FAM161A: variants seen among roughly 807,000 people sequenced by gnomAD.
FAM161A encodes protein FAM161A.
FAM161A carries 57 observed loss-of-function variants against 70.9 expected under a neutral mutation model. The ratio of observed to expected loss-of-function variants is 0.80; its 90% CI spans 0.65 to 1.00. FAM161A has a LOEUF of 1.00. Ranked by LOEUF, FAM161A falls within the 50% of genes least tolerant of loss-of-function variation. FAM161A has a pLI of 0.00. For missense variants in FAM161A, 880 were observed against 836.0 expected (o/e 1.05, Z -0.65); for synonymous variants, 299 against 295.7 (o/e 1.01, Z -0.12).
At chr2:61,815,458 T>A in the FAM161A span, among the ~76,000 whole-genome samples, 2 of 147,536 alleles carry the variant, frequency 1.4e-5, no homozygotes, top group Admixed American at 1.4e-4. Flanking sequence ...GTACAAAGGG[T>A]CAGAAGCCTC....
chr2:61,823,286 T>C (rs1305810931), downstream of FAM161A, among the ~76,000 whole-genome samples: 2 of 147,602 alleles, frequency 1.4e-5, no homozygotes, highest in African/African-American at 5.0e-5. Flanking sequence ...TGAGCCAAGA[T>C]CGCACCACTG....
chr2:61,839,141 C>G (rs1672897507), intron 3 of FAM161A, among the ~76,000 whole-genome samples: 1 of 151,934 alleles, frequency 6.6e-6, no homozygotes, highest in Non-Finnish European at 1.5e-5. Flanking sequence ...CCTCGACCTC[C>G]CAAAGCACTG....
chr2:61,815,715 T>C, the FAM161A span, among the ~76,000 whole-genome samples: 2 of 151,842 alleles, frequency 1.3e-5, no homozygotes, highest in Admixed American at 1.3e-4. Context: ...CATGCCCAGA[T>C]AGTTTTTGTA....
chr2:61,802,212 C>T, the FAM161A span, among the ~76,000 whole-genome samples: 4 of 152,026 alleles, frequency 2.6e-5, no homozygotes, highest in African/African-American at 9.7e-5. Flanking sequence ...AGTTGGTGAC[C>T]GCAGGGGACA....
chr2:61,806,341 T>C, the FAM161A span, among the ~76,000 whole-genome samples: 1 of 152,192 alleles, frequency 6.6e-6, no homozygotes, highest in South Asian at 2.1e-4. Flanking sequence ...CTCACATTAT[T>C]TTTTAGTCCC....
At chr2:61,843,369 T>G (rs887840337) in intron 1 of FAM161A, among the ~76,000 whole-genome samples, 1 of 152,134 alleles carries the variant, frequency 6.6e-6, no homozygotes, top group East Asian at 1.9e-4. Flanking sequence ...TCAGGTGATC[T>G]ACTCGCCTCG....
At chr2:61,807,633 ATTTTTT>A in the FAM161A span, among the ~76,000 whole-genome samples, 62 of 113,316 alleles carry the variant, frequency 5.5e-4, no homozygotes, top group African/African-American at 2.2e-3. Context: ...TGGACTCCAG[ATTTTTT>A]TTTTTTTTTT....
chr2:61,803,389 C>G, the FAM161A span: 2 of 697,522 alleles, frequency 2.9e-6, no homozygotes, highest in Non-Finnish European at 5.4e-6. Flanking sequence ...CTCAAGAAAG[C>G]AACAAAAGGA....
At chr2:61,850,799 C>T (rs1344745903) in intron 1 of FAM161A, among the ~76,000 whole-genome samples, 1 of 152,088 alleles carries the variant, frequency 6.6e-6, no homozygotes, top group Non-Finnish European at 1.5e-5. Flanking sequence ...ACAATAGGTT[C>T]TCTCCTATTT....
At chr2:61,818,797 G>A in the FAM161A span, among the ~76,000 whole-genome samples, 366 of 152,258 alleles carry the variant, frequency 2.4e-3, 1 homozygote, top group Non-Finnish European at 4.3e-3. Context: ...TACTAAAACT[G>A]TTAGGTAAAA....
At chr2:61,803,937 G>T in the FAM161A span, among the ~76,000 whole-genome samples, 1 of 152,180 alleles carries the variant, frequency 6.6e-6, no homozygotes, top group African/African-American at 2.4e-5. Context: ...GCCCAAGAAA[G>T]AATTCAGGGC....
At chr2:61,805,193 C>T in the FAM161A span, among the ~76,000 whole-genome samples, 1 of 152,174 alleles carries the variant, frequency 6.6e-6, no homozygotes, top group African/African-American at 2.4e-5. Flanking sequence ...AGATGTCCCG[C>T]CTTTTTAGGT....
chr2:61,839,605 T>G lies in FAM161A; in HGVS notation c.1399A>C (p.Ile467Leu). The G allele has an allele frequency of 1.2e-6, 2 of 1,614,222 alleles. No homozygotes were observed. The highest frequency in any genetic ancestry group is 2.2e-5 in the East Asian group (1 of 44,890). The change falls in exon 3 of 7, where the codon ATT (isoleucine) becomes CTT (leucine). Residue 467 changes from isoleucine (I) to leucine (L), a missense_variant. Coordinates refer to ENST00000404929, the MANE Select transcript of FAM161A (RefSeq NM_001201543.2). Reference sequence around the variant, plus strand: ...TCTGCCAAAATTTTTTCTCTTTTAATAGATGCATGTGGAGATGCATGAAGA... The same window carrying G: ...TCTGCCAAAATTTTTTCTCTTTTAAGAGATGCATGTGGAGATGCATGAAGA... ...FDLHASPHAS[I>L]KREKILADIE...
rs1182237258 is a variant in FAM161A at position 61,826,358 on chromosome 2, C to A, written c.*97G>T. 5.1e-6 allele frequency: 7 copies of A among 1,360,300 alleles called. No homozygotes were observed. Among genetic ancestry groups the A allele is most frequent in the Non-Finnish European group, 6.2e-6 (6 of 967,110 alleles). The allele number at this position is 1,360,300 out of a possible 1,614,324, so 84.3% of individuals were successfully genotyped here. Reference sequence around the variant, plus strand: ...CTTTGATCAACAGCCCTGCACATATCAGAAGCGTCCCCACAGATGTTCTAA... The same window carrying A: ...CTTTGATCAACAGCCCTGCACATATAAGAAGCGTCCCCACAGATGTTCTAA... On this transcript the variant is annotated 3_prime_UTR_variant, in exon 7 of 7. Coordinates refer to ENST00000404929, the MANE Select transcript of FAM161A (RefSeq NM_001201543.2).
intron 5 of FAM161A, among the ~76,000 whole-genome samples, chr2:61,828,363 C>T (rs991468910): frequency 6.6e-6 from 1 of 150,496 alleles, no homozygotes; most frequent in East Asian, 1.9e-4. Flanking sequence ...GGGTCTTGCT[C>T]TGTCACCCAG....
chr2:61,838,795 T>G (rs1655930660), intron 3 of FAM161A, 90 bp from the exon 4 acceptor site: 1 of 974,464 alleles, frequency 1.0e-6, no homozygotes, highest in Admixed American at 3.6e-5. Context: ...TGAATTTTGA[T>G]AATTCAAAAT....
chr2:61,844,065 C>G (rs1353891410), intron 1 of FAM161A, among the ~76,000 whole-genome samples: 2 of 152,076 alleles, frequency 1.3e-5, no homozygotes, highest in East Asian at 3.9e-4. Flanking sequence ...ATGGCGTGAA[C>G]CTGGGAGGCA....
the FAM161A span, among the ~76,000 whole-genome samples, chr2:61,800,278 C>G: frequency 3.9e-5 from 6 of 152,154 alleles, no homozygotes; most frequent in Admixed American, 2.0e-4. Flanking sequence ...ACAAAAGGCA[C>G]AAAAATGGAA....
the FAM161A span, among the ~76,000 whole-genome samples, chr2:61,818,302 C>T: frequency 1.3e-5 from 2 of 152,226 alleles, no homozygotes; most frequent in Admixed American, 6.5e-5. Context: ...GTGATCCACC[C>T]GCCTCGGTCT....
Sources: gnomAD v4.1 joint callset for allele counts (sites outside exome capture counted in the v4.1 genomes callset) on GRCh38, gnomAD v4.1.1 for gene constraint, MANE v1.5 for transcripts, NCBI Gene and HGNC (gene_info 2026-07-23, HGNC 2026-07-21) for gene names.